The following SFXN5 variants were observed in gnomAD, a reference collection of about 807,000 sequenced individuals.
The protein encoded by SFXN5 is sideroflexin 5, also known as sideroflexin-5.
In SFXN5, 43 loss-of-function variants were observed where a neutral mutation model predicts 50.2. The observed-to-expected ratio is 0.86, with a 90% CI of 0.67 to 1.11. The LOEUF is 1.11. SFXN5 is among the 50% of genes least tolerant of loss of function. The pLI is 0.00. For synonymous variants in SFXN5, 203 were observed against 185.8 expected, an observed-to-expected ratio of 1.09 and a Z score of -0.75; for missense variants, 463 against 454.1, an observed-to-expected ratio of 1.02 and a Z score of -0.18.
intron 9 of SFXN5, chr2:72,994,927 G>A (rs1378961062): frequency 2.6e-5 from 4 of 152,430 alleles, no homozygotes; most frequent in South Asian, 4.2e-4. Context: ...CCTCTCTCTG[G>A]AACACCCACC....
At chr2:72,956,864 T>G in intron 13 of SFXN5, 2 of 356,280 alleles carry the variant, frequency 5.6e-6, no homozygotes, top group Non-Finnish European at 1.1e-5. Context: ...CAGTTCCCCA[T>G]CTTTGAGCTC....
intron 10 of SFXN5, among the ~76,000 whole-genome samples, chr2:72,986,475 C>T (rs995231759): frequency 7.2e-5 from 11 of 152,132 alleles, no homozygotes; most frequent in Admixed American, 3.9e-4. Flanking sequence ...GGGTCAGGAC[C>T]ATGAGCCTGG....
intron 6 of SFXN5, among the ~76,000 whole-genome samples, chr2:73,011,050 G>C (rs1352423419): frequency 1.3e-5 from 2 of 152,184 alleles, no homozygotes; most frequent in African/African-American, 4.8e-5. Context: ...ATACAGAATT[G>C]ATAAATACAT....
intron 2 of SFXN5, among the ~76,000 whole-genome samples, chr2:73,052,219 G>C (rs1681418073): frequency 6.6e-6 from 1 of 152,014 alleles, no homozygotes; most frequent in African/African-American, 2.4e-5. Flanking sequence ...TCCTTTTTGT[G>C]GGTAGCAGTA....
intron 2 of SFXN5, chr2:73,041,777 AC>A (rs1679680848): frequency 4.6e-6 from 1 of 215,336 alleles, no homozygotes; most frequent in Non-Finnish European, 1.0e-5. Context: ...ATCTCAACAC[AC>A]TGCAGCCTCA....
intron 2 of SFXN5, among the ~76,000 whole-genome samples, chr2:73,047,822 T>C (rs1385854886): frequency 6.6e-6 from 1 of 152,184 alleles, no homozygotes; most frequent in African/African-American, 2.4e-5. Context: ...GAAATATTTA[T>C]CTAAAGTCTT....
At chr2:73,031,871 A>T (rs1678349104) in intron 3 of SFXN5, among the ~76,000 whole-genome samples, 1 of 152,148 alleles carries the variant, frequency 6.6e-6, no homozygotes, top group African/African-American at 2.4e-5. Flanking sequence ...TATTATTTTT[A>T]AAATTAGGCA....
At chr2:72,948,653 C>T (rs1672203035) in intron 13 of SFXN5, among the ~76,000 whole-genome samples, 1 of 152,248 alleles carries the variant, frequency 6.6e-6, no homozygotes, top group Non-Finnish European at 1.5e-5. Flanking sequence ...CCGGGGGAGA[C>T]CGAGGCCTCC....
At chr2:72,972,462 G>A (rs976107312) in intron 10 of SFXN5, among the ~76,000 whole-genome samples, 1 of 152,204 alleles carries the variant, frequency 6.6e-6, no homozygotes, top group Non-Finnish European at 1.5e-5. Context: ...GAGATCTTGG[G>A]AACCTGGGCT....
intron 10 of SFXN5, among the ~76,000 whole-genome samples, chr2:72,984,463 T>C (rs1671663059): frequency 6.6e-6 from 1 of 152,262 alleles, no homozygotes; most frequent in African/African-American, 2.4e-5. Flanking sequence ...CTCAGCTATA[T>C]GGGTGAGGGG....
At chr2:73,013,744 A>G (rs1162885365) in intron 6 of SFXN5, among the ~76,000 whole-genome samples, 1 of 152,100 alleles carries the variant, frequency 6.6e-6, no homozygotes, top group Non-Finnish European at 1.5e-5. Flanking sequence ...TCTAGAGGAT[A>G]ACGAGCATCC....
At chr2:73,050,054 T>C (rs1353247641) in intron 2 of SFXN5, among the ~76,000 whole-genome samples, 1 of 151,200 alleles carries the variant, frequency 6.6e-6, no homozygotes, top group Non-Finnish European at 1.5e-5. Flanking sequence ...TTGAGAATCA[T>C]CTTTGATTCC....
intron 2 of SFXN5, among the ~76,000 whole-genome samples, chr2:73,041,833 G>C (rs1679686396): frequency 6.6e-6 from 1 of 152,110 alleles, no homozygotes; most frequent in African/African-American, 2.4e-5. Context: ...TTCCCAAGTA[G>C]CTGGGATTAT....
chr2:73,058,541 A>T lies in SFXN5; in HGVS notation c.158T>A (p.Leu53His), dbSNP rs1682425254. ...HFLDIIDPRT[L>H]FVTERRLREA... ...GCCATGACTTACCTCAGTGACAAAG[A>T]GTGTGCGAGGGTCGATGATATCCAA... Residue 53 changes from leucine to histidine, a missense_variant, in exon 2 of 14, where the codon CTC becomes CAC. Physicochemically the swap from Leu to His is moderately conservative, Grantham distance 99. Coordinates refer to ENST00000272433, the MANE Select transcript of SFXN5 (RefSeq NM_144579.3). 2 of 1,614,072 alleles carry T rather than the reference A, an allele frequency of 1.2e-6. No individual in the cohort carries two copies. Among genetic ancestry groups the T allele is most frequent in the Non-Finnish European group, 1.7e-6 (2 of 1,179,974 alleles).
At chr2:72,995,686 TCTC>T (rs1673139753) in intron 9 of SFXN5, among the ~76,000 whole-genome samples, 1 of 152,144 alleles carries the variant, frequency 6.6e-6, no homozygotes, top group Admixed American at 6.5e-5. Flanking sequence ...TTGCAGGTCA[TCTC>T]CTCCTAACAG....
At chr2:72,968,406 C>T (rs1275001635) in intron 12 of SFXN5, 42 bp downstream of exon 12, 4 of 1,583,740 alleles carry the variant, frequency 2.5e-6, no homozygotes, top group Non-Finnish European at 3.5e-6. Context: ...TCTCCCCCTC[C>T]TCCCCCATGG....
At chr2:72,990,825 C>T (rs1309338913) in intron 9 of SFXN5, among the ~76,000 whole-genome samples, 2 of 152,140 alleles carry the variant, frequency 1.3e-5, no homozygotes, top group African/African-American at 2.4e-5. Flanking sequence ...TATCTCCAGG[C>T]GTTTGAACGG....
chr2:72,961,086 C>T lies in SFXN5; in HGVS notation c.945+45G>A. The stretch of plus-strand genomic sequence containing the variant: ...GAGTATTTGTTCAGAAATCACCAAA[C>T]AGCACCCCCTGCCCTGCCCTGCCCT... On this transcript the variant is annotated intron_variant, in intron 13 of 13. Transcript: ENST00000272433. The surrounding 1 kb of genome is among the most constrained non-coding windows in gnomAD (Gnocchi z 4.4). 1 of 1,328,068 alleles carries T rather than the reference C, an allele frequency of 7.5e-7. No individual in the cohort carries two copies. Among genetic ancestry groups the T allele is most frequent in the East Asian group, 2.7e-5 (1 of 36,760 alleles). 82.3% of individuals were successfully genotyped at this position (1,328,068 alleles called of 1,614,324 possible). A position where few individuals can be genotyped will look rare whatever the true frequency, so the allele number is the denominator to read the frequency against.
chr2:73,028,733 T>C (rs889556931), intron 3 of SFXN5, among the ~76,000 whole-genome samples: 1 of 152,138 alleles, frequency 6.6e-6, no homozygotes, highest in Non-Finnish European at 1.5e-5. Flanking sequence ...AAACAGATCA[T>C]TGCTCAGTGA....
Sources: gnomAD v4.1 joint callset for allele counts (sites outside exome capture counted in the v4.1 genomes callset) on GRCh38, gnomAD v4.1.1 for gene constraint, Gnocchi (gnomAD v3.1) non-coding constraint, MANE v1.5 for transcripts, NCBI Gene and HGNC (gene_info 2026-07-23, HGNC 2026-07-21) for gene names.